The following CPQ variants were observed in gnomAD, a reference collection of about 807,000 sequenced individuals.
CPQ encodes Ser-Met dipeptidase.
In CPQ, 37 loss-of-function variants were observed where a neutral mutation model predicts 45.7. The ratio of observed to expected loss-of-function variants is 0.81; its 90% confidence interval spans 0.62 to 1.07. The LOEUF is 1.07. Ranked by LOEUF, CPQ falls within the 50% of genes least tolerant of loss-of-function variation. The pLI is 0.00. For missense variants in CPQ, 537 were observed against 572.9 expected (o/e 0.94, Z 0.64); for synonymous variants, 186 against 205.8 (o/e 0.90, Z 0.82).
Position 96,965,968 on chromosome 8 carries a change from G to C in CPQ, c.883G>C (p.Asp295His). Reference protein sequence around the residue: ...VLVSGHLDSWDVGQGAMDDGG... With the variant: ...VLVSGHLDSWHVGQGAMDDGG... ...GGTCAGTGGACATCTGGACAGCTGG[G>C]ATGTTGGGCAGGGTGCCATGGATGA... Residue 295 changes from aspartate (D) to histidine (H), a missense_variant, in exon 5 of 8, where the codon GAT (aspartate) becomes CAT (histidine). Coordinates refer to ENST00000220763, the MANE Select transcript of CPQ (RefSeq NM_016134.4). 6.2e-7 allele frequency: 1 copy of C among 1,613,954 alleles called. No homozygotes were observed. The highest frequency in any genetic ancestry group is 1.7e-5 in the Admixed American group (1 of 59,966).
chr8:97,015,221 G>T (rs959501958), intron 5 of CPQ, among the ~76,000 whole-genome samples: 8 of 152,062 alleles, frequency 5.3e-5, no homozygotes, highest in Admixed American at 1.3e-4. Context: ...ACAAAAGTGT[G>T]ATTCAGAGTT....
intron 7 of CPQ, among the ~76,000 whole-genome samples, chr8:97,137,558 T>A (rs1169181970): frequency 6.6e-6 from 1 of 152,224 alleles, no homozygotes; most frequent in African/African-American, 2.4e-5. Context: ...TCACAGTTTC[T>A]GTTAAAGTGC....
At chr8:96,950,501 C>T (rs949652561) in intron 4 of CPQ, among the ~76,000 whole-genome samples, 1 of 152,018 alleles carries the variant, frequency 6.6e-6, no homozygotes. Context: ...GGAGGGTCTC[C>T]TCCTCCCCTC....
intron 4 of CPQ, among the ~76,000 whole-genome samples, chr8:96,917,508 A>T (rs959018026): frequency 6.6e-5 from 10 of 152,016 alleles, no homozygotes; most frequent in Non-Finnish European, 5.9e-5. Flanking sequence ...CTCTTGGCTT[A>T]TCTCTCATAC....
At chr8:97,088,360 A>G (rs1363743756) in intron 7 of CPQ, among the ~76,000 whole-genome samples, 1 of 152,224 alleles carries the variant, frequency 6.6e-6, no homozygotes, top group Non-Finnish European at 1.5e-5. Flanking sequence ...CAAGATGACC[A>G]TTTGGGAAAA....
chr8:96,686,629 T>G (rs1809231596), intron 1 of CPQ, among the ~76,000 whole-genome samples: 1 of 152,068 alleles, frequency 6.6e-6, no homozygotes. Context: ...TTTCATGATA[T>G]TCACAAGTGA....
intron 3 of CPQ, among the ~76,000 whole-genome samples, chr8:96,847,801 T>C (rs1281241910): frequency 6.6e-6 from 1 of 151,846 alleles, no homozygotes; most frequent in African/African-American, 2.4e-5. Context: ...GTCCAGCAAT[T>C]GCTTCTGAGT....
chr8:97,072,686 C>T (rs2130539493), intron 7 of CPQ, among the ~76,000 whole-genome samples: 1 of 152,240 alleles, frequency 6.6e-6, no homozygotes, highest in South Asian at 2.1e-4. Flanking sequence ...TGCCACTGGA[C>T]CTGCCCTATT....
intron 4 of CPQ, among the ~76,000 whole-genome samples, chr8:96,916,707 T>C (rs1471188846): frequency 6.6e-6 from 1 of 152,122 alleles, no homozygotes; most frequent in Non-Finnish European, 1.5e-5. Context: ...TCCAGGATCT[T>C]ATACAGGGTA....
chr8:97,050,122 C>T (rs1218248430), intron 6 of CPQ, among the ~76,000 whole-genome samples: 1 of 152,138 alleles, frequency 6.6e-6, no homozygotes, highest in African/African-American at 2.4e-5. Context: ...TCTTTGCTCA[C>T]CTTGAACACT....
chr8:96,822,671 G>A (rs780172884), intron 2 of CPQ, among the ~76,000 whole-genome samples: 4 of 151,738 alleles, frequency 2.6e-5, no homozygotes, highest in Non-Finnish European at 5.9e-5. Context: ...GTTTCTCTTT[G>A]CCCTTTCTCA....
intron 1 of CPQ, among the ~76,000 whole-genome samples, chr8:96,650,316 G>T (rs977148906): frequency 6.6e-6 from 1 of 152,182 alleles, no homozygotes; most frequent in South Asian, 2.1e-4. Flanking sequence ...TGACAAACAG[G>T]TGTTAAAGAA....
chr8:96,878,810 A>G (rs535390759), intron 3 of CPQ, among the ~76,000 whole-genome samples: 4 of 152,314 alleles, frequency 2.6e-5, no homozygotes, highest in African/African-American at 9.6e-5. Flanking sequence ...TTCTGTAAAT[A>G]TGAGACAAGC....
At chr8:96,875,644 A>G (rs1812135555) in intron 3 of CPQ, among the ~76,000 whole-genome samples, 2 of 151,860 alleles carry the variant, frequency 1.3e-5, no homozygotes, top group Non-Finnish European at 2.9e-5. Flanking sequence ...ATTCTACTCT[A>G]TTGGTTTATG....
At chr8:96,880,974 G>A (rs1397636758) in intron 4 of CPQ, among the ~76,000 whole-genome samples, 2 of 152,074 alleles carry the variant, frequency 1.3e-5, no homozygotes, top group Non-Finnish European at 2.9e-5. Flanking sequence ...GTAATTGAAG[G>A]ACAGAATGGT....
At chr8:96,977,767 A>T (rs921638526) in intron 5 of CPQ, among the ~76,000 whole-genome samples, 4 of 152,206 alleles carry the variant, frequency 2.6e-5, no homozygotes, top group African/African-American at 9.6e-5. Flanking sequence ...TGTGGGAGCT[A>T]AGCTATGAGG....
chr8:97,102,503 C>T (rs1326756262), intron 7 of CPQ, among the ~76,000 whole-genome samples: 1 of 152,158 alleles, frequency 6.6e-6, no homozygotes, highest in African/African-American at 2.4e-5. Context: ...TGCCTTTTCA[C>T]TTACCTTCTT....
chr8:96,940,805 C>T (rs1029092748), intron 4 of CPQ, among the ~76,000 whole-genome samples: 7 of 152,144 alleles, frequency 4.6e-5, no homozygotes, highest in African/African-American at 1.7e-4. Context: ...TGGAGTTAGT[C>T]TTCTTTGGTA....
At chr8:96,743,480 A>T (rs984178410) in intron 1 of CPQ, among the ~76,000 whole-genome samples, 5 of 152,154 alleles carry the variant, frequency 3.3e-5, no homozygotes, top group Admixed American at 6.5e-5. Flanking sequence ...TCAGCTCGTC[A>T]AAGTCATTCT....
Sources: allele counts gnomAD v4.1 joint callset (sites outside exome capture counted in the v4.1 genomes callset), GRCh38; gene constraint gnomAD v4.1.1; transcripts MANE v1.5; gene names NCBI Gene and HGNC (gene_info 2026-07-23, HGNC 2026-07-21).